CENPW: variants seen among roughly 807,000 people sequenced by gnomAD.
CENPW encodes the protein cancer-up-regulated gene 2 protein.
CENPW carries 3 observed loss-of-function variants against 11.1 expected under a neutral mutation model. That is an observed-to-expected ratio of 0.27 (90% CI 0.12 to 0.70). The LOEUF is 0.70. Among genes scored for constraint, CENPW ranks in the 30% least tolerant of loss-of-function variants. CENPW has a pLI of 0.77. For missense variants in CENPW, 100 were observed against 105.6 expected, an observed-to-expected ratio of 0.95 and a Z score of 0.23; for synonymous variants, 38 against 42.0, an observed-to-expected ratio of 0.91 and a Z score of 0.37.
At chr6:126,408,347 G>A in the CENPW span, among the ~76,000 whole-genome samples, 30 of 152,266 alleles carry the variant, frequency 2.0e-4, no homozygotes, top group African/African-American at 7.0e-4. Flanking sequence ...AGGAGCAAAG[G>A]CATGTCTTAC....
chr6:126,457,649 C>G, the CENPW span, among the ~76,000 whole-genome samples: 2 of 151,214 alleles, frequency 1.3e-5, no homozygotes, highest in Non-Finnish European at 3.0e-5. Context: ...GATCAGGGAA[C>G]TCATTTTACA....
At chr6:126,377,801 A>C in the CENPW span, among the ~76,000 whole-genome samples, 343 of 152,316 alleles carry the variant, frequency 2.3e-3, no homozygotes, top group Non-Finnish European at 3.9e-3. Context: ...GCAAGTAACA[A>C]CAAAAGACTT....
chr6:126,420,265 G>T, the CENPW span, among the ~76,000 whole-genome samples: 2 of 152,088 alleles, frequency 1.3e-5, no homozygotes, highest in African/African-American at 4.8e-5. Context: ...GATGGCCTAA[G>T]AGCTAAGTGG....
chr6:126,435,667 TA>T, the CENPW span, among the ~76,000 whole-genome samples: 1 of 151,916 alleles, frequency 6.6e-6, no homozygotes, highest in Non-Finnish European at 1.5e-5. Context: ...TTTTCTCAGA[TA>T]ACCATTATTA....
the CENPW span, among the ~76,000 whole-genome samples, chr6:126,386,919 A>G: frequency 7.2e-3 from 1,092 of 152,102 alleles, 13 homozygotes; most frequent in African/African-American, 0.025. Flanking sequence ...GCCCTATTAA[A>G]GCAGACTTTT....
chr6:126,451,376 C>A, the CENPW span, among the ~76,000 whole-genome samples: 56 of 151,028 alleles, frequency 3.7e-4, 1 homozygote, highest in South Asian at 0.011. Context: ...TCATTTTTCT[C>A]CCATTGGTGT....
rs1780269394 is a variant in CENPW at position 126,340,128 on chromosome 6, C to T, written c.-146C>T. ...AGCGCCGGGCGCGTTCCGTTGGCGG[C>T]GGATTCGAACGTTCGGACTGAGGTT... is the stretch of plus-strand genomic sequence containing the variant. On this transcript the variant is annotated 5_prime_UTR_variant, in exon 1 of 3. Coordinates refer to ENST00000368328, the MANE Select transcript of CENPW (RefSeq NM_001012507.4). 6.6e-6 allele frequency: 5 copies of T among 759,574 alleles called. No homozygotes were observed. The highest frequency in any genetic ancestry group is 4.6e-5 in the Admixed American group (2 of 43,340). 47.1% of individuals were successfully genotyped at this position (759,574 alleles called of 1,614,324 possible). A position where few individuals can be genotyped will look rare whatever the true frequency, so the allele number is the denominator to read the frequency against.
the CENPW span, among the ~76,000 whole-genome samples, chr6:126,359,786 G>T: frequency 8.7e-5 from 13 of 149,064 alleles, no homozygotes; most frequent in African/African-American, 3.2e-4. Flanking sequence ...TTGCATGATA[G>T]AACTTTCTTT....
At chr6:126,422,786 G>A in the CENPW span, among the ~76,000 whole-genome samples, 132 of 152,078 alleles carry the variant, frequency 8.7e-4, no homozygotes, top group African/African-American at 3.1e-3. Flanking sequence ...ACCTGAAAAC[G>A]TGCCTTTAAC....
intron 1 of CENPW, 35 bp from the exon 2 acceptor site, chr6:126,346,170 A>G: frequency 8.0e-7 from 1 of 1,252,098 alleles, no homozygotes; most frequent in Non-Finnish European, 1.2e-6. Context: ...TCAGTATTTG[A>G]GCTTAAAAAT....
chr6:126,350,509 G>T (rs1780479520), downstream of CENPW, among the ~76,000 whole-genome samples: 1 of 152,092 alleles, frequency 6.6e-6, no homozygotes, highest in Non-Finnish European at 1.5e-5. Flanking sequence ...CCTCCCAAAG[G>T]TCGTTCCTCC....
At chr6:126,477,581 A>T in the CENPW span, among the ~76,000 whole-genome samples, 1 of 151,970 alleles carries the variant, frequency 6.6e-6, no homozygotes, top group African/African-American at 2.4e-5. Context: ...AAAGGAACAG[A>T]CTCAAAGAGC....
At chr6:126,378,245 A>G in the CENPW span, among the ~76,000 whole-genome samples, 2 of 152,152 alleles carry the variant, frequency 1.3e-5, no homozygotes, top group African/African-American at 4.8e-5. Context: ...CTGGCTACCA[A>G]TGATTTCATA....
At chr6:126,415,911 C>T in the CENPW span, among the ~76,000 whole-genome samples, 3 of 152,020 alleles carry the variant, frequency 2.0e-5, no homozygotes, top group Non-Finnish European at 4.4e-5. Context: ...TAAATTGGTA[C>T]CAGTAGAGTG....
At chr6:126,383,900 A>G in the CENPW span, among the ~76,000 whole-genome samples, 2 of 152,090 alleles carry the variant, frequency 1.3e-5, no homozygotes, top group Admixed American at 6.5e-5. Context: ...TCAGGACCTG[A>G]ACCCAACAAA....
At chr6:126,346,005 A>C (rs952504436) in intron 1 of CENPW, among the ~76,000 whole-genome samples, 200 bp from the exon 2 acceptor site, 2 of 152,242 alleles carry the variant, frequency 1.3e-5, no homozygotes, top group East Asian at 3.8e-4. Context: ...TATACATTGC[A>C]ATGACGAAGT....
the CENPW span, among the ~76,000 whole-genome samples, chr6:126,397,674 T>C: frequency 1.3e-5 from 2 of 152,136 alleles, no homozygotes; most frequent in African/African-American, 4.8e-5. Flanking sequence ...CCTAGATTGT[T>C]CTTTACAAAT....
At chr6:126,369,563 C>G in the CENPW span, among the ~76,000 whole-genome samples, 1 of 152,146 alleles carries the variant, frequency 6.6e-6, no homozygotes. Flanking sequence ...TGTTTGTTGG[C>G]CATTTGTATA....
Position 126,346,023 on chromosome 6 carries a change from C to T in CENPW, c.127-182C>T, listed in dbSNP as rs945750082. ...ACATTGCAATGACGAAGTCTCTTTG[C>T]AGGGAATCTAAGATGGACTTATATT... On this transcript the variant is annotated intron_variant, in intron 1 of 2. Transcript: ENST00000368328. 2.9e-4 allele frequency among the ~76,000 whole-genome samples: 44 copies of T among 152,156 alleles called. 1 individual carries two copies. Among genetic ancestry groups the T allele is most frequent in the Non-Finnish European group, 2.1e-4 (14 of 68,030 alleles).
Sources: gnomAD v4.1 joint callset for allele counts (sites outside exome capture counted in the v4.1 genomes callset) on GRCh38, gnomAD v4.1.1 for gene constraint, MANE v1.5 for transcripts, NCBI Gene and HGNC (gene_info 2026-07-23, HGNC 2026-07-21) for gene names.